The following CSMD1 variants were observed in gnomAD, a reference collection of about 807,000 sequenced individuals.
CSMD1 encodes the protein CUB and Sushi multiple domains 1, also known as CUB and sushi domain-containing protein 1.
A neutral mutation model predicts 417.5 loss-of-function variants in CSMD1; 213 were observed. The ratio of observed to expected loss-of-function variants is 0.51; its 90% CI spans 0.46 to 0.57. The LOEUF (loss-of-function observed/expected upper bound fraction) is 0.57, where lower values mean the gene tolerates loss of function less well. Ranked by LOEUF, CSMD1 falls within the 20% of genes least tolerant of loss-of-function variation. CSMD1 has a pLI of 0.00. For synonymous variants in CSMD1, 2,862 were observed against 1,736.8 expected, an observed-to-expected ratio of 1.65 and a Z score of -16.11; for missense variants, 6,923 against 4,529.7, an observed-to-expected ratio of 1.53 and a Z score of -15.17.
chr8:3,618,690 T>G (rs1365282401), intron 7 of CSMD1, among the ~76,000 whole-genome samples: 1 of 152,012 alleles, frequency 6.6e-6, no homozygotes, highest in African/African-American at 2.4e-5. Context: ...TTAAAATAAT[T>G]TTACAGGAGC....
intron 3 of CSMD1, among the ~76,000 whole-genome samples, chr8:4,150,325 A>C (rs78862053): frequency 0.032 from 4,857 of 152,206 alleles, 224 homozygotes; most frequent in African/African-American, 0.11. Flanking sequence ...GGACATCTCT[A>C]AATTCTCTAA....
In CSMD1 at chr8:2,942,463, C is replaced by A; in HGVS notation, c.10535+9G>T. Reference sequence around the variant, plus strand: ...CAACATTCTCAAACAGATGGTGTTTCTGCAGTACCTGTGTTTGTAGAGGTA... The same window carrying A: ...CAACATTCTCAAACAGATGGTGTTTATGCAGTACCTGTGTTTGTAGAGGTA... On this transcript the variant is annotated intron_variant, in intron 69 of 69. Coordinates refer to ENST00000635120, the MANE Select transcript of CSMD1 (RefSeq NM_033225.6). 2 of 1,609,932 alleles carry A rather than the reference C, an allele frequency of 1.2e-6. No homozygotes were observed. The highest frequency in any genetic ancestry group is 1.7e-4 in the Middle Eastern group (1 of 6,028).
intron 41 of CSMD1, among the ~76,000 whole-genome samples, chr8:3,137,100 G>C (rs1039616490): frequency 1.2e-4 from 18 of 151,924 alleles, no homozygotes; most frequent in African/African-American, 9.7e-5. Flanking sequence ...ATTTCTTTGT[G>C]GGGGGAATGT....
intron 3 of CSMD1, among the ~76,000 whole-genome samples, chr8:4,218,244 G>A (rs1185247882): frequency 6.6e-6 from 1 of 152,264 alleles, no homozygotes; most frequent in Non-Finnish European, 1.5e-5. Context: ...CAGGGATGTA[G>A]CAATTTATCT....
chr8:4,369,094 CTT>C (rs1802255956), intron 3 of CSMD1, among the ~76,000 whole-genome samples: 1 of 152,084 alleles, frequency 6.6e-6, no homozygotes, highest in African/African-American at 2.4e-5. Flanking sequence ...GTGCTAAAAA[CTT>C]TCCTCTTAAC....
intron 1 of CSMD1, among the ~76,000 whole-genome samples, chr8:4,944,167 G>C (rs556092066): frequency 3.9e-5 from 6 of 152,066 alleles, no homozygotes; most frequent in African/African-American, 9.7e-5. Context: ...TCATGAAAGA[G>C]AAAAAATCCA....
chr8:3,932,531 A>G (rs1810221832), intron 5 of CSMD1, among the ~76,000 whole-genome samples: 1 of 150,394 alleles, frequency 6.6e-6, no homozygotes. Flanking sequence ...TATTAAATCA[A>G]TCAAGCCCCA....
chr8:4,428,596 A>T (rs560956483), intron 2 of CSMD1, among the ~76,000 whole-genome samples: 242 of 152,330 alleles, frequency 1.6e-3, no homozygotes, highest in African/African-American at 5.5e-3. Context: ...ACTTTCAGTA[A>T]TACTAGATGT....
chr8:4,216,157 G>A (rs1800655003), intron 3 of CSMD1, among the ~76,000 whole-genome samples: 1 of 152,054 alleles, frequency 6.6e-6, no homozygotes. Context: ...TTTTTCACAG[G>A]ACAGGACCAG....
chr8:3,375,401 T>C (rs781207721), intron 18 of CSMD1, among the ~76,000 whole-genome samples: 4 of 152,150 alleles, frequency 2.6e-5, no homozygotes, highest in Admixed American at 1.3e-4. Flanking sequence ...CTTTTCTCTT[T>C]TTTTCCATCA....
intron 51 of CSMD1, among the ~76,000 whole-genome samples, chr8:3,029,090 A>G (rs1455686587): frequency 6.6e-6 from 1 of 152,140 alleles, no homozygotes; most frequent in Non-Finnish European, 1.5e-5. Context: ...AAATACAATT[A>G]TTAACAAGGA....
chr8:3,714,580 A>AAAAAAAAAAAAAAC (rs1801721173), intron 6 of CSMD1, among the ~76,000 whole-genome samples: 2 of 149,084 alleles, frequency 1.3e-5, no homozygotes, highest in Non-Finnish European at 3.0e-5. Flanking sequence ...AAAAAAAAAA[A>AAAAAAAAAAAAAAC]ATTAGCCCCA....
intron 7 of CSMD1, among the ~76,000 whole-genome samples, chr8:3,687,102 G>C (rs763664886): frequency 1.3e-5 from 2 of 152,198 alleles, no homozygotes; most frequent in Non-Finnish European, 2.9e-5. Flanking sequence ...CCAATAAAAT[G>C]CAGGATCCTA....
intron 10 of CSMD1, among the ~76,000 whole-genome samples, chr8:3,566,404 A>T (rs1026321392): frequency 6.6e-6 from 1 of 152,132 alleles, no homozygotes; most frequent in Non-Finnish European, 1.5e-5. Context: ...GACCCAGGAC[A>T]TACAGCCATC....
intron 3 of CSMD1, among the ~76,000 whole-genome samples, chr8:4,355,332 C>CAG (rs1264465115): frequency 6.6e-6 from 1 of 151,556 alleles, no homozygotes; most frequent in South Asian, 2.1e-4. Context: ...CACGCACACA[C>CAG]ACACACGTAT....
Position 3,199,881 on chromosome 8 carries a change from G to C in CSMD1, c.5099-72C>G, listed in dbSNP as rs530427120. On this transcript the variant is annotated intron_variant, in intron 32 of 69. Transcript: ENST00000635120. ...GGGGACGGTAGTATTTTGGAAAATGGTGATAAAGTTGAAATTTCACATTTA... is the reference window on the plus strand; with the variant it reads ...GGGGACGGTAGTATTTTGGAAAATGCTGATAAAGTTGAAATTTCACATTTA... The C allele has an allele frequency of 9.3e-6, 8 of 859,544 alleles. No homozygotes were observed. The South Asian group carries it at 1.3e-4, about 14-fold the overall frequency. 53.2% of individuals were successfully genotyped at this position (859,544 alleles called of 1,614,324 possible). A position where few individuals can be genotyped will look rare whatever the true frequency, so the allele number is the denominator to read the frequency against.
chr8:4,600,957 T>TA (rs1203705315), intron 2 of CSMD1, among the ~76,000 whole-genome samples: 2 of 8,974 alleles, frequency 2.2e-4, no homozygotes, highest in Admixed American at 2.9e-3. Context: ...CTTAATTAGA[T>TA]TTTTTTTTTT....
intron 1 of CSMD1, among the ~76,000 whole-genome samples, chr8:4,641,306 T>C (rs367631725): frequency 1.9e-4 from 29 of 152,150 alleles, no homozygotes; most frequent in African/African-American, 6.7e-4. Context: ...ATACGAAACA[T>C]CTGGCTCCTA....
chr8:4,410,913 A>T (rs547323989), intron 3 of CSMD1, among the ~76,000 whole-genome samples: 2 of 152,172 alleles, frequency 1.3e-5, no homozygotes, highest in African/African-American at 2.4e-5. Flanking sequence ...AGATCAATGA[A>T]TGTCTTTCTC....
Sources: gnomAD v4.1 joint callset for allele counts (sites outside exome capture counted in the v4.1 genomes callset) on GRCh38, gnomAD v4.1.1 for gene constraint, MANE v1.5 for transcripts, NCBI Gene and HGNC (gene_info 2026-07-23, HGNC 2026-07-21) for gene names.